The following NMNAT2 variants were observed in gnomAD, a reference collection of about 807,000 sequenced individuals.
NMNAT2 encodes the protein nicotinamide nucleotide adenylyltransferase 2.
A neutral mutation model predicts 41.6 loss-of-function variants in NMNAT2; 11 were observed. The observed-to-expected ratio is 0.26, with a 90% CI of 0.17 to 0.44. The LOEUF is 0.44. Ranked by LOEUF, NMNAT2 falls within the 20% of genes least tolerant of loss-of-function variation. The pLI is 1.00. For missense variants in NMNAT2, 288 were observed against 407.7 expected, an observed-to-expected ratio of 0.71 and a Z score of 2.53; for synonymous variants, 148 against 151.2, an observed-to-expected ratio of 0.98 and a Z score of 0.16.
chr1:183,328,549 C>T (rs768168997), intron 1 of NMNAT2, among the ~76,000 whole-genome samples: 2 of 152,220 alleles, frequency 1.3e-5, no homozygotes, highest in Non-Finnish European at 2.9e-5. Flanking sequence ...CATGAGTCAG[C>T]ATGGTCACTG....
At chr1:183,283,927 T>C (rs1399979653) in intron 7 of NMNAT2, 68 bp downstream of exon 7, 5 of 1,466,522 alleles carry the variant, frequency 3.4e-6, no homozygotes, top group Non-Finnish European at 3.8e-6. Flanking sequence ...CTGCTCCCCA[T>C]GTTGCCTGTC....
At chr1:183,323,174 C>T (rs190958731) in intron 1 of NMNAT2, among the ~76,000 whole-genome samples, 65 of 152,278 alleles carry the variant, frequency 4.3e-4, no homozygotes, top group African/African-American at 1.5e-3. Context: ...TCAGGTGATC[C>T]ACCCGCCTCA....
At chr1:183,268,327 C>CT (rs1660874808) in intron 8 of NMNAT2, among the ~76,000 whole-genome samples, 1 of 152,174 alleles carries the variant, frequency 6.6e-6, no homozygotes, top group Non-Finnish European at 1.5e-5. Flanking sequence ...TGGTCTTAGC[C>CT]AGGCACTTTC....
intron 1 of NMNAT2, among the ~76,000 whole-genome samples, chr1:183,405,867 T>C (rs997970212): frequency 2.6e-5 from 4 of 152,220 alleles, no homozygotes; most frequent in Admixed American, 2.6e-4. Context: ...AGGCAGGATG[T>C]TATTCCCAGT....
intron 8 of NMNAT2, among the ~76,000 whole-genome samples, chr1:183,264,783 C>T (rs1356160943): frequency 1.3e-5 from 2 of 152,128 alleles, no homozygotes; most frequent in African/African-American, 4.8e-5. Context: ...AAGAGCTTAG[C>T]TGTCCTTCCC....
intron 7 of NMNAT2, among the ~76,000 whole-genome samples, chr1:183,281,090 TTA>T (rs758906866): frequency 6.6e-6 from 1 of 152,056 alleles, no homozygotes; most frequent in Non-Finnish European, 1.5e-5. Context: ...CAGCCTAGTG[TTA>T]GTGTATTTTA....
At position 183,286,801 on chromosome 1, in the gene NMNAT2, A is replaced by G. The variant is rs1274660770; in HGVS notation, c.322-13T>C. 1 of 1,605,390 alleles carries G rather than the reference A, an allele frequency of 6.2e-7. No individual in the cohort carries two copies. The highest frequency in any genetic ancestry group is 1.3e-5 in the African/African-American group (1 of 74,670). ...AGCCAGTCACCCTCTAGGGAGAGAG[A>G]GAAGAGTGTTATTAGTCATGTGACT... On this transcript the variant is annotated splice_polypyrimidine_tract_variant and intron_variant, in intron 4 of 10. Transcript: ENST00000287713.
intron 1 of NMNAT2, among the ~76,000 whole-genome samples, chr1:183,373,882 T>G (rs557344129): frequency 5.9e-5 from 9 of 152,314 alleles, no homozygotes; most frequent in African/African-American, 1.9e-4. Flanking sequence ...CCTCCCAAAG[T>G]GCTGGGATTA....
intron 6 of NMNAT2, among the ~76,000 whole-genome samples, chr1:183,284,470 C>G (rs900066385): frequency 1.3e-5 from 2 of 152,218 alleles, no homozygotes; most frequent in Non-Finnish European, 2.9e-5. Context: ...GGGTGCAGAA[C>G]TTTTTCACAT....
intron 1 of NMNAT2, among the ~76,000 whole-genome samples, chr1:183,389,624 T>A (rs2101920092): frequency 6.6e-6 from 1 of 151,274 alleles, no homozygotes; most frequent in South Asian, 2.1e-4. Flanking sequence ...TAGTCCCAGC[T>A]ACTTGGGAGG....
intron 1 of NMNAT2, among the ~76,000 whole-genome samples, chr1:183,384,127 G>A (rs552025131): frequency 1.3e-5 from 2 of 152,114 alleles, no homozygotes; most frequent in African/African-American, 2.4e-5. Context: ...ATGGTGGAAG[G>A]TGAAGGGGAA....
intron 1 of NMNAT2, 49 bp downstream of exon 1, chr1:183,418,134 G>C (rs369722888): frequency 6.5e-7 from 1 of 1,543,862 alleles, no homozygotes; most frequent in Non-Finnish European, 9.0e-7. Context: ...AGGTGCCTGG[G>C]AAAGGAGAGG....
chr1:183,396,440 C>A (rs1338313611), intron 1 of NMNAT2, among the ~76,000 whole-genome samples: 1 of 152,112 alleles, frequency 6.6e-6, no homozygotes, highest in African/African-American at 2.4e-5. Context: ...AGGAGTTGGG[C>A]GAGTGGGCTC....
chr1:183,402,233 C>A (rs1365384800), intron 1 of NMNAT2, among the ~76,000 whole-genome samples: 1 of 152,194 alleles, frequency 6.6e-6, no homozygotes, highest in African/African-American at 2.4e-5. Flanking sequence ...CTTCAAATCA[C>A]TGATCTTTGT....
At chr1:183,273,823 T>C (rs965088464) in intron 8 of NMNAT2, among the ~76,000 whole-genome samples, 1 of 44,940 alleles carries the variant, frequency 2.2e-5, no homozygotes, top group Admixed American at 2.5e-4. Context: ...TTCCTTTCTT[T>C]TCCCTCCCTC....
intron 8 of NMNAT2, among the ~76,000 whole-genome samples, chr1:183,273,523 C>T (rs908313972): frequency 2.0e-5 from 3 of 152,160 alleles, no homozygotes; most frequent in Non-Finnish European, 4.4e-5. Flanking sequence ...CTAAAATGGG[C>T]GTTTCCAGGC....
At chr1:183,409,995 A>G (rs1223142673) in intron 1 of NMNAT2, among the ~76,000 whole-genome samples, 1 of 152,134 alleles carries the variant, frequency 6.6e-6, no homozygotes, top group East Asian at 1.9e-4. Flanking sequence ...TACAATGTAC[A>G]ATGGTTCCAT....
chr1:183,280,729 C>CT (rs1304121378), intron 7 of NMNAT2, among the ~76,000 whole-genome samples: 4 of 144,778 alleles, frequency 2.8e-5, no homozygotes, highest in Admixed American at 6.9e-5. Flanking sequence ...TTTTTGGCGA[C>CT]TTTTTTTCTT....
intron 1 of NMNAT2, among the ~76,000 whole-genome samples, chr1:183,332,635 A>G (rs533767494): frequency 7.2e-5 from 11 of 152,260 alleles, no homozygotes; most frequent in Non-Finnish European, 1.6e-4. Context: ...GGGGCAGTGG[A>G]GGAGATTCCA....
Sources: allele counts gnomAD v4.1 joint callset (sites outside exome capture counted in the v4.1 genomes callset), GRCh38; gene constraint gnomAD v4.1.1; transcripts MANE v1.5; gene names NCBI Gene and HGNC (gene_info 2026-07-23, HGNC 2026-07-21).